The following MINDY2 variants were observed in gnomAD, a reference collection of about 807,000 sequenced individuals.
The protein encoded by MINDY2 is ubiquitin carboxyl-terminal hydrolase MINDY-2.
A neutral mutation model predicts 68.2 loss-of-function variants in MINDY2; 52 were observed. The observed-to-expected ratio is 0.76, with a 90% CI of 0.61 to 0.96. The LOEUF is 0.96. Among genes scored for constraint, MINDY2 ranks in the 40% least tolerant of loss-of-function variants. The pLI is 0.00. For missense variants in MINDY2, 881 were observed against 773.4 expected (o/e 1.14, Z -1.65); for synonymous variants, 372 against 303.0 (o/e 1.23, Z -2.36).
chr15:58,785,308 C>T (rs1901421362), intron 1 of MINDY2, among the ~76,000 whole-genome samples: 1 of 152,054 alleles, frequency 6.6e-6, no homozygotes, highest in Non-Finnish European at 1.5e-5. Context: ...AATGAATATA[C>T]TACTGACTTT....
At chr15:58,835,899 TTTTTGTTTTG>T (rs56935479) in intron 6 of MINDY2, among the ~76,000 whole-genome samples, 4 of 151,758 alleles carry the variant, frequency 2.6e-5, no homozygotes, top group South Asian at 2.1e-4. Flanking sequence ...AGTCTTGGGT[TTTTTGTTTTG>T]TTTTGTTTTG....
chr15:58,815,227 A>T (rs1375253426), intron 4 of MINDY2: 1 of 152,128 alleles, frequency 6.6e-6, no homozygotes, highest in Non-Finnish European at 1.5e-5. Context: ...AATTGTCTTG[A>T]ACTTAGCATG....
chr15:58,790,655 A>C (rs549122799), intron 2 of MINDY2, among the ~76,000 whole-genome samples: 169 of 152,318 alleles, frequency 1.1e-3, no homozygotes, highest in Middle Eastern at 6.8e-3. Context: ...GGTGGCTTTA[A>C]ACAAGGTAAA....
chr15:58,803,887 T>TCACGAGG (rs1460800964), intron 3 of MINDY2, among the ~76,000 whole-genome samples: 10 of 133,088 alleles, frequency 7.5e-5, no homozygotes, highest in African/African-American at 2.9e-4. Context: ...GGCAGGCGGA[T>TCACGAGG]CACGAGGTCA....
chr15:58,842,556 G>T (rs2032333326), intron 6 of MINDY2, among the ~76,000 whole-genome samples: 1 of 152,102 alleles, frequency 6.6e-6, no homozygotes, highest in South Asian at 2.1e-4. Context: ...ATTAAAAGGG[G>T]AGGGGGCAGA....
intron 3 of MINDY2, among the ~76,000 whole-genome samples, chr15:58,805,844 G>A (rs1902970038): frequency 6.6e-6 from 1 of 152,164 alleles, no homozygotes; most frequent in African/African-American, 2.4e-5. Context: ...GGGAGGCTGA[G>A]GCGGGGGGAT....
chr15:58,816,640 A>G (rs1421699604), intron 4 of MINDY2, among the ~76,000 whole-genome samples: 1 of 151,968 alleles, frequency 6.6e-6, no homozygotes. Flanking sequence ...GCCTAAAAAG[A>G]TCACTATACA....
intron 6 of MINDY2, among the ~76,000 whole-genome samples, chr15:58,838,269 G>T (rs557219421): frequency 6.6e-6 from 1 of 152,010 alleles, no homozygotes; most frequent in African/African-American, 2.4e-5. Flanking sequence ...ATGGTGGTGT[G>T]TGCCCGTAAT....
chr15:58,851,256 G>A (rs934762212), intron 7 of MINDY2, among the ~76,000 whole-genome samples: 3 of 152,048 alleles, frequency 2.0e-5, no homozygotes, highest in African/African-American at 7.2e-5. Flanking sequence ...TTATAGGCGT[G>A]AGCCACCGCA....
intron 2 of MINDY2, among the ~76,000 whole-genome samples, chr15:58,794,366 T>G (rs988874760): frequency 4.2e-5 from 6 of 144,342 alleles, no homozygotes; most frequent in East Asian, 2.0e-4. Flanking sequence ...GGGGTGTGTG[T>G]GTGTGTGTGT....
chr15:58,780,244 A>C (rs1901046161), intron 1 of MINDY2, among the ~76,000 whole-genome samples: 1 of 152,062 alleles, frequency 6.6e-6, no homozygotes, highest in African/African-American at 2.4e-5. Flanking sequence ...TTCTCTACTA[A>C]AAATACAAAA....
rs546311641 is a variant in MINDY2, at chr15:58,811,796, A to ACT, written c.1122+1408_1122+1409insCT. ...GAGGTTAGTCTCCCGAATAGAGAAG[A>ACT]AATGGAGAGTCAATTGGAAGGGTGA... On this transcript the variant is annotated intron_variant, in intron 4 of 8. Coordinates refer to ENST00000559228, the MANE Select transcript of MINDY2 (RefSeq NM_001040450.3). Among the ~76,000 whole-genome samples, 400 of 152,342 alleles carry ACT rather than the reference A, an allele frequency of 2.6e-3. 1 individual carries two copies. The highest frequency in any genetic ancestry group is 3.8e-3 in the Admixed American group (58 of 15,302).
chr15:58,792,183 A>T (rs973972586), intron 2 of MINDY2, among the ~76,000 whole-genome samples: 1 of 152,242 alleles, frequency 6.6e-6, no homozygotes, highest in Non-Finnish European at 1.5e-5. Context: ...GAAATGTAAA[A>T]TAATACAGCC....
At chr15:58,803,933 C>G (rs1481095363) in intron 3 of MINDY2, among the ~76,000 whole-genome samples, 1 of 144,586 alleles carries the variant, frequency 6.9e-6, no homozygotes, top group East Asian at 2.0e-4. Flanking sequence ...ATGGTGAAAC[C>G]CCAGCTCTAC....
intron 6 of MINDY2, among the ~76,000 whole-genome samples, chr15:58,836,005 G>T (rs1226366953): frequency 6.6e-6 from 1 of 152,084 alleles, no homozygotes; most frequent in Non-Finnish European, 1.5e-5. Context: ...CGCCTCCCGG[G>T]TTCATGCCAT....
intron 1 of MINDY2, among the ~76,000 whole-genome samples, chr15:58,773,231 G>A (rs1359272003): frequency 2.0e-5 from 3 of 152,036 alleles, no homozygotes; most frequent in African/African-American, 7.2e-5. Context: ...CAAGACAATC[G>A]CTTGAGCCCA....
At position 58,857,973 on chromosome 15, in the gene MINDY2, G is replaced by A. The variant is rs1326191898; in HGVS notation, c.*3363G>A. The A allele has an allele frequency of 2.6e-5, 4 of 152,130 alleles. No individual in the cohort carries two copies. Among genetic ancestry groups the A allele is most frequent in the African/African-American group, 9.7e-5 (4 of 41,436 alleles). 9.4% of individuals were successfully genotyped at this position (152,130 alleles called of 1,614,324 possible). On this transcript the variant is annotated 3_prime_UTR_variant, in exon 9 of 9. Coordinates refer to ENST00000559228, the MANE Select transcript of MINDY2 (RefSeq NM_001040450.3). ...CACAATGCTGTGATTTATAGTACATGATCAACACTTAAAAGTACTTTACAT... is the reference window on the plus strand; with the variant it reads ...CACAATGCTGTGATTTATAGTACATAATCAACACTTAAAAGTACTTTACAT...
intron 3 of MINDY2, among the ~76,000 whole-genome samples, chr15:58,803,802 G>A (rs1029304266): frequency 6.6e-6 from 1 of 150,934 alleles, no homozygotes; most frequent in East Asian, 2.0e-4. Flanking sequence ...GGCAGCAGAG[G>A]GAGACTCTGC....
chr15:58,791,225 A>ATATATATATATATATATATT, intron 2 of MINDY2, among the ~76,000 whole-genome samples: 1 of 21,090 alleles, frequency 4.7e-5, no homozygotes, highest in East Asian at 0.026. Flanking sequence ...TTATATATAT[A>ATATATATATATATATATATT]TATATATATA....
Sources: gnomAD v4.1 joint callset for allele counts (sites outside exome capture counted in the v4.1 genomes callset) on GRCh38, gnomAD v4.1.1 for gene constraint, MANE v1.5 for transcripts, NCBI Gene and HGNC (gene_info 2026-07-23, HGNC 2026-07-21) for gene names.